The following RGS3 variants were observed in gnomAD, a reference collection of about 807,000 sequenced individuals.
RGS3 encodes the protein regulator of G-protein signalling 3.
In RGS3, 80 loss-of-function variants were observed where a neutral mutation model predicts 132.6. The ratio of observed to expected loss-of-function variants is 0.60; its 90% CI spans 0.50 to 0.73. The LOEUF (loss-of-function observed/expected upper bound fraction) is 0.73. Ranked by LOEUF, RGS3 falls within the 30% of genes least tolerant of loss-of-function variation. The probability of loss-of-function intolerance (pLI) is 0.00; values close to 1 mark genes in which losing one functional copy is unlikely to be tolerated. For missense variants in RGS3, 1,382 were observed against 1,530.8 expected, an observed-to-expected ratio of 0.90 and a Z score of 1.62; for synonymous variants, 598 against 620.6, an observed-to-expected ratio of 0.96 and a Z score of 0.54.
chr9:113,587,820 T>TC (rs1190076197), intron 20 of RGS3, among the ~76,000 whole-genome samples: 1 of 151,920 alleles, frequency 6.6e-6, no homozygotes, highest in African/African-American at 2.4e-5. Context: ...CTGCCCCCAC[T>TC]CCCCGCCATG....
intron 20 of RGS3, among the ~76,000 whole-genome samples, chr9:113,586,479 A>T (rs1284345978): frequency 6.6e-6 from 1 of 152,186 alleles, no homozygotes; most frequent in Non-Finnish European, 1.5e-5. Flanking sequence ...CTCTTGTCTC[A>T]GCTTCCTCCT....
chr9:113,450,846 C>A (rs575322180), intron 1 of RGS3, among the ~76,000 whole-genome samples: 5 of 151,910 alleles, frequency 3.3e-5, no homozygotes, highest in Non-Finnish European at 7.4e-5. Context: ...ATGGTGACTG[C>A]GGAGTGAATG....
chr9:113,464,448 T>G (rs1232074077), intron 3 of RGS3, among the ~76,000 whole-genome samples: 1 of 152,156 alleles, frequency 6.6e-6, no homozygotes, highest in Admixed American at 6.5e-5. Flanking sequence ...AAGTGAACAG[T>G]AGGCTTCACT....
intron 16 of RGS3, among the ~76,000 whole-genome samples, chr9:113,520,463 C>T (rs1831890380): frequency 6.6e-6 from 1 of 152,050 alleles, no homozygotes; most frequent in Non-Finnish European, 1.5e-5. Flanking sequence ...GGCCTTTTCT[C>T]ACCTTGCTCA....
chr9:113,538,855 C>G (rs1832789563), intron 19 of RGS3, among the ~76,000 whole-genome samples: 1 of 152,244 alleles, frequency 6.6e-6, no homozygotes, highest in African/African-American at 2.4e-5. Flanking sequence ...GGCCTAAGAA[C>G]TGGGCCTGGA....
At chr9:113,584,265 C>T (rs143018068) in exon 20 of RGS3, 3 of 1,612,278 alleles carry the variant, frequency 1.9e-6, no homozygotes, top group Non-Finnish European at 2.5e-6. Flanking sequence ...TGCAGGAGCC[C>T]CGAGGGCCCT....
chr9:113,590,876 T>A (rs1835386003), intron 20 of RGS3, among the ~76,000 whole-genome samples: 1 of 152,204 alleles, frequency 6.6e-6, no homozygotes, highest in South Asian at 2.1e-4. Flanking sequence ...GTGTAATGAT[T>A]TATTTTATAC....
intron 3 of RGS3, among the ~76,000 whole-genome samples, chr9:113,476,872 A>C (rs1488793688): frequency 6.6e-6 from 1 of 152,218 alleles, no homozygotes; most frequent in East Asian, 1.9e-4. Flanking sequence ...GGTGTTGTGG[A>C]GCACAGGGGT....
intron 18 of RGS3, among the ~76,000 whole-genome samples, chr9:113,532,595 G>A (rs1832517711): frequency 6.6e-6 from 1 of 152,172 alleles, no homozygotes; most frequent in Non-Finnish European, 1.5e-5. Flanking sequence ...GATTCCCATG[G>A]GGCAGGGCAG....
At chr9:113,568,998 G>A (rs1171049594) in intron 19 of RGS3, among the ~76,000 whole-genome samples, 1 of 152,222 alleles carries the variant, frequency 6.6e-6, no homozygotes, top group Non-Finnish European at 1.5e-5. Flanking sequence ...CTGGCAGTGG[G>A]CCTAAGTCAT....
At chr9:113,495,026 C>T (rs1352641405) in intron 7 of RGS3, among the ~76,000 whole-genome samples, 1 of 152,126 alleles carries the variant, frequency 6.6e-6, no homozygotes, top group Non-Finnish European at 1.5e-5. Flanking sequence ...AAGCATGCAC[C>T]ACCACGTAGG....
exon 20 of RGS3, chr9:113,584,226 G>A: frequency 6.2e-7 from 1 of 1,612,512 alleles, no homozygotes; most frequent in South Asian, 1.1e-5. Flanking sequence ...ACTCGCTGCG[G>A]CGCCGGACGC....
rs1834689900 is a variant in RGS3 at position 113,579,533 on chromosome 9, G to A, written c.2038-3917G>A. Among the ~76,000 whole-genome samples the A allele has an allele frequency of 6.6e-6, 1 of 152,134 alleles. No homozygotes were observed. The highest frequency in any genetic ancestry group is 6.5e-5 in the Admixed American group (1 of 15,276). On this transcript the variant is annotated intron_variant, in intron 19 of 24. Transcript: ENST00000350696. The surrounding 1 kb of genome is among the most constrained non-coding windows in gnomAD (Gnocchi z 4.3). ...ACAGACCCCCACCTTGGGAGGGTGG[G>A]GCAGTGGCTTCCAGCACTCTAGACC...
upstream of RGS3, among the ~76,000 whole-genome samples, chr9:113,457,254 AC>A: frequency 6.6e-6 from 1 of 151,586 alleles, no homozygotes; most frequent in Non-Finnish European, 1.5e-5. Context: ...TCTGCCTGTA[AC>A]CCTTCCTTCC....
intron 21 of RGS3, chr9:113,593,886 G>C (rs1397692141): frequency 6.4e-7 from 1 of 1,562,924 alleles, no homozygotes; most frequent in Admixed American, 1.8e-5. Context: ...TTGCTGACTT[G>C]TCCCCCACCC....
chr9:113,490,321 C>T (rs1830467249), intron 7 of RGS3, among the ~76,000 whole-genome samples: 1 of 152,052 alleles, frequency 6.6e-6, no homozygotes, highest in African/African-American at 2.4e-5. Flanking sequence ...ACACCCCATC[C>T]ACTTTCCCCT....
chr9:113,569,597 C>CCTTCCTTCCTTT (rs1564584165), intron 19 of RGS3, among the ~76,000 whole-genome samples: 4 of 145,016 alleles, frequency 2.8e-5, no homozygotes, highest in Non-Finnish European at 4.6e-5. Flanking sequence ...TTCCTTCCTT[C>CCTTCCTTCCTTT]CTTCCTTCCT....
At chr9:113,472,904 G>A (rs548690105) in intron 3 of RGS3, among the ~76,000 whole-genome samples, 16 of 152,156 alleles carry the variant, frequency 1.1e-4, no homozygotes, top group African/African-American at 3.6e-4. Context: ...GCCAGGTGTG[G>A]GTGGTGCATG....
chr9:113,595,441 G>T, intron 23 of RGS3, 158 bp from the exon 22 acceptor site: 5 of 717,948 alleles, frequency 7.0e-6, no homozygotes, highest in South Asian at 1.9e-5. Flanking sequence ...CAGTGGCAGG[G>T]CTGGGGCCAC....
Sources: gnomAD v4.1 joint callset for allele counts (sites outside exome capture counted in the v4.1 genomes callset) on GRCh38, gnomAD v4.1.1 for gene constraint, Gnocchi (gnomAD v3.1) non-coding constraint, MANE v1.5 for transcripts, NCBI Gene and HGNC (gene_info 2026-07-23, HGNC 2026-07-21) for gene names.